The following REPS1 variants were observed in gnomAD, a reference collection of about 807,000 sequenced individuals.
The protein encoded by REPS1 is RALBP1 associated Eps domain containing 1.
In REPS1, 39 loss-of-function variants were observed where a neutral mutation model predicts 100.9. The ratio of observed to expected loss-of-function variants is 0.39; its 90% CI spans 0.30 to 0.50. The LOEUF (loss-of-function observed/expected upper bound fraction) is 0.50, where lower values mean the gene tolerates loss of function less well. Among genes scored for constraint, REPS1 ranks in the 20% least tolerant of loss-of-function variants. The pLI, the probability that REPS1 is intolerant of heterozygous loss-of-function variation, is 0.86. For synonymous variants in REPS1, 324 were observed against 340.3 expected (o/e 0.95, Z 0.53); for missense variants, 821 against 968.5 (o/e 0.85, Z 2.02).
chr6:138,962,062 TGGAGTCAAAATAATTTTTTA>T (rs1783772339), intron 1 of REPS1, among the ~76,000 whole-genome samples: 1 of 152,204 alleles, frequency 6.6e-6, no homozygotes, highest in Non-Finnish European at 1.5e-5. Context: ...AGTGCTAGTG[TGGAGTCAAAATAATTTTTTA>T]AAATATGCAG....
At chr6:138,935,721 G>A (rs1781763886) in intron 8 of REPS1, among the ~76,000 whole-genome samples, 1 of 151,848 alleles carries the variant, frequency 6.6e-6, no homozygotes, top group Admixed American at 6.6e-5. Context: ...AGACATGGTG[G>A]CGCATGCCTG....
rs548789057 is a variant in REPS1 at position 138,978,293 on chromosome 6, CT to C, written c.153+9236del. 1.8e-3 allele frequency among the ~76,000 whole-genome samples: 251 copies of C among 142,130 alleles called. 1 individual carries two copies. Among genetic ancestry groups the C allele is most frequent in the Middle Eastern group, 3.7e-3 (1 of 272 alleles). 93.2% of individuals were successfully genotyped at this position (142,130 alleles called of 152,430 possible). ...CCAATTATTTGTTTCTTTTCCTTTT[CT>C]TTTTTTTTTTTTGAGACAGGGTCTG... On this transcript the variant is annotated intron_variant, in intron 1 of 19. Transcript: ENST00000450536.
chr6:138,940,543 G>C (rs1359186566), intron 8 of REPS1, among the ~76,000 whole-genome samples: 1 of 152,000 alleles, frequency 6.6e-6, no homozygotes, highest in Non-Finnish European at 1.5e-5. Context: ...TCAAGAGATA[G>C]AGACCATCCT....
chr6:138,960,312 T>C (rs879494582), intron 1 of REPS1, among the ~76,000 whole-genome samples: 10 of 152,178 alleles, frequency 6.6e-5, no homozygotes, highest in Admixed American at 5.2e-4. Context: ...GGATCCCTTA[T>C]ACATGCTTTA....
chr6:138,951,966 A>T (rs1783066523), intron 1 of REPS1, among the ~76,000 whole-genome samples: 1 of 152,206 alleles, frequency 6.6e-6, no homozygotes, highest in South Asian at 2.1e-4. Context: ...GAACCACTTG[A>T]AATACCTGTT....
Position 138,914,758 on chromosome 6 carries a change from T to C in REPS1, c.1724A>G (p.Gln575Arg), listed in dbSNP as rs1459338260. 1.9e-6 allele frequency: 3 copies of C among 1,609,084 alleles called. No homozygotes were observed. The highest frequency in any genetic ancestry group is 8.5e-7 in the Non-Finnish European group (1 of 1,178,762). The change falls in exon 15 of 20, where the codon CAA (glutamine) becomes CGA (arginine). Residue 575 changes from glutamine to arginine, a missense_variant. Gln to Arg is a conservative substitution (Grantham distance 43). Transcript: ENST00000450536. ...ATGGGCAACAACTCCAGCCTGTTGTTGTCCTGCATGAATACAAAAGTTCTT... is the reference window on the plus strand; with the variant it reads ...ATGGGCAACAACTCCAGCCTGTTGTCGTCCTGCATGAATACAAAAGTTCTT... ...MNRTFTVTTGQQQAGVVAHPP... is the reference protein window; with the variant it reads ...MNRTFTVTTGRQQAGVVAHPP...
intron 1 of REPS1, among the ~76,000 whole-genome samples, chr6:138,986,189 A>G (rs1337880399): frequency 6.6e-6 from 1 of 152,224 alleles, no homozygotes; most frequent in African/African-American, 2.4e-5. Flanking sequence ...AACAGAGAGC[A>G]TATGTGGCCA....
intron 14 of REPS1, 121 bp from the exon 15 acceptor site, chr6:138,914,882 G>A: frequency 2.4e-6 from 2 of 845,610 alleles, no homozygotes; most frequent in Non-Finnish European, 3.8e-6. Flanking sequence ...TTAAGTATTA[G>A]AAGGCAAGTA....
intron 16 of REPS1, 198 bp downstream of exon 16, chr6:138,912,567 C>G (rs998109212): frequency 1.7e-6 from 1 of 592,836 alleles, no homozygotes; most frequent in East Asian, 2.9e-5. Flanking sequence ...TATCAATCCC[C>G]CACCCCCACC....
rs990722458 is a variant in REPS1 at position 138,987,417 on chromosome 6, C to G, written c.153+113G>C. 5.2e-6 allele frequency: 6 copies of G among 1,163,024 alleles called. No homozygotes were observed. The Admixed American group carries it at 1.6e-4, about 31-fold the overall frequency. 72.0% of individuals were successfully genotyped at this position (1,163,024 alleles called of 1,614,324 possible). ...TGCGGCCCCTGCCCGCTGCGGGGAC[C>G]CCCCGAGGAACCAGCCCCCCGCCGG... On this transcript the variant is annotated intron_variant, in intron 1 of 19. Coordinates refer to ENST00000450536, the MANE Select transcript of REPS1 (RefSeq NM_001286611.2).
intron 12 of REPS1, among the ~76,000 whole-genome samples, chr6:138,917,923 A>G (rs1230049359): frequency 1.3e-5 from 2 of 152,206 alleles, no homozygotes; most frequent in Admixed American, 6.5e-5. Context: ...TGGCCCTCCA[A>G]ATCTGTGGTT....
At chr6:138,936,623 G>GC (rs1781860673) in intron 8 of REPS1, among the ~76,000 whole-genome samples, 1 of 111,842 alleles carries the variant, frequency 8.9e-6, no homozygotes, top group African/African-American at 4.2e-5. Flanking sequence ...GAGTATGTTT[G>GC]GGGGGGGGTA....
Position 138,941,398 on chromosome 6 carries a change from CAT to C in REPS1, c.1070_1071del (p.Tyr357Ter). 1 of 1,614,046 alleles carries C rather than the reference CAT, an allele frequency of 6.2e-7. No homozygotes were observed. ...FHLVVARKNG[Y>X]DLPEKLPESL... ...CTTTCAGGAAGTTTTTCTGGTAAAT[CAT>C]AGCCATTCTTCCTAGCAACCACCAG... On this transcript the variant is annotated frameshift_variant, in exon 8 of 20. Coordinates refer to ENST00000450536, the MANE Select transcript of REPS1 (RefSeq NM_001286611.2). LOFTEE classifies it high-confidence loss of function.
At chr6:138,970,851 C>A (rs1431182659) in intron 1 of REPS1, among the ~76,000 whole-genome samples, 1 of 151,878 alleles carries the variant, frequency 6.6e-6, no homozygotes. Context: ...AGGGTACAGG[C>A]AGTAGAGAAG....
At chr6:138,987,428 CCAGCCCCCCGCCGGGCCCCAAGGAAT>C in intron 1 of REPS1, 76 bp downstream of exon 1, 2 of 1,259,438 alleles carry the variant, frequency 1.6e-6, no homozygotes, top group Non-Finnish European at 2.1e-6. Flanking sequence ...CCCCGAGGAA[CCAGCCCCCCGCCGGGCCCCAAGGAAT>C]CGGCGCCCAC....
At chr6:138,946,401 C>A (rs1363743361) in intron 2 of REPS1, among the ~76,000 whole-genome samples, 1 of 152,146 alleles carries the variant, frequency 6.6e-6, no homozygotes, top group African/African-American at 2.4e-5. Context: ...ATAAGTGATA[C>A]TTTTAGACCA....
intron 10 of REPS1, among the ~76,000 whole-genome samples, chr6:138,923,008 C>T (rs1377172652): frequency 4.6e-5 from 7 of 152,046 alleles, no homozygotes; most frequent in Admixed American, 3.3e-4. Flanking sequence ...TAATTTCTTG[C>T]CCCTACACCA....
rs771317828 is a variant in REPS1, at chr6:138,930,083, G to T, written c.1151C>A (p.Pro384Gln). The change falls in exon 9 of 20, where the codon CCA (proline) becomes CAA (glutamine). Residue 384 changes from proline (P) to glutamine (Q), a missense_variant. Transcript: ENST00000450536. ...AGAGCCTGAATAACCTACCTCACCT[G>T]GCTGATCCCCAACATCTGCAATTTA... ...LEDSADVGDQPGEVGYSGSPA... is the reference protein window; with the variant it reads ...LEDSADVGDQQGEVGYSGSPA... 3.7e-6 allele frequency: 6 copies of T among 1,612,910 alleles called. No individual in the cohort carries two copies. In the South Asian group the frequency reaches 6.6e-5, roughly 18 times the overall value.
chr6:138,946,043 G>T (rs1285175062), intron 2 of REPS1, among the ~76,000 whole-genome samples: 2 of 152,272 alleles, frequency 1.3e-5, no homozygotes, highest in Non-Finnish European at 2.9e-5. Context: ...TAAGAAAACT[G>T]AGGCTCCATG....
Sources: gnomAD v4.1 joint callset for allele counts (sites outside exome capture counted in the v4.1 genomes callset) on GRCh38, gnomAD v4.1.1 for gene constraint, MANE v1.5 for transcripts, NCBI Gene and HGNC (gene_info 2026-07-23, HGNC 2026-07-21) for gene names.